Variants in TNFRSF8 observed in about 807,000 individuals in gnomAD.
TNFRSF8 encodes the protein tumor necrosis factor receptor superfamily member 8.
TNFRSF8 carries 26 observed loss-of-function variants against 70.8 expected under a neutral mutation model. The ratio of observed to expected loss-of-function variants is 0.37; its 90% CI spans 0.27 to 0.51. The LOEUF (loss-of-function observed/expected upper bound fraction) is 0.51, where lower values mean the gene tolerates loss of function less well. TNFRSF8 is among the 20% of genes least tolerant of loss of function. The pLI, the probability that TNFRSF8 is intolerant of heterozygous loss-of-function variation, is 0.94. For synonymous variants in TNFRSF8, 356 were observed against 339.2 expected, an observed-to-expected ratio of 1.05 and a Z score of -0.54; for missense variants, 720 against 807.9, an observed-to-expected ratio of 0.89 and a Z score of 1.32.
chr1:12,131,948 C>G (rs1466415554), intron 12 of TNFRSF8, among the ~76,000 whole-genome samples: 1 of 152,008 alleles, frequency 6.6e-6, no homozygotes, highest in Non-Finnish European at 1.5e-5. Context: ...CGCGCGCCAC[C>G]ATGCCCAGCT....
chr1:12,074,828 GC>G (rs1026583529), intron 1 of TNFRSF8, among the ~76,000 whole-genome samples: 4 of 151,512 alleles, frequency 2.6e-5, no homozygotes, highest in Non-Finnish European at 5.9e-5. Context: ...TCACTCTGTT[GC>G]CCAGGCTGGA....
chr1:12,132,193 G>A (rs192000603), intron 12 of TNFRSF8, among the ~76,000 whole-genome samples: 69 of 152,354 alleles, frequency 4.5e-4, no homozygotes, highest in Middle Eastern at 3.4e-3. Flanking sequence ...AGCATCTTAA[G>A]CCAGCATCGT....
chr1:12,065,059 C>CTAGTTCTGTA (rs1210091306), intron 1 of TNFRSF8, among the ~76,000 whole-genome samples: 3 of 146,588 alleles, frequency 2.0e-5, no homozygotes, highest in Non-Finnish European at 3.0e-5. Flanking sequence ...TCACTACAGC[C>CTAGTTCTGTA]TGAACTCTCA....
At chr1:12,089,392 A>G (rs1201690051) in intron 2 of TNFRSF8, among the ~76,000 whole-genome samples, 2 of 152,186 alleles carry the variant, frequency 1.3e-5, no homozygotes, top group Non-Finnish European at 2.9e-5. Flanking sequence ...TCACAGGGCC[A>G]AGCTTCCATT....
intron 8 of TNFRSF8, among the ~76,000 whole-genome samples, chr1:12,121,047 T>C (rs1043244623): frequency 2.6e-5 from 4 of 152,192 alleles, no homozygotes; most frequent in Admixed American, 6.5e-5. Flanking sequence ...TGATGCTGAC[T>C]GGGAATAGCC....
intron 2 of TNFRSF8, among the ~76,000 whole-genome samples, chr1:12,096,252 GC>G (rs2100984452): frequency 6.6e-6 from 1 of 152,260 alleles, no homozygotes; most frequent in Admixed American, 6.5e-5. Flanking sequence ...AAGGTAGGCA[GC>G]GATTGCTGGG....
chr1:12,073,538 CTTTCCCTTTCGT>C (rs1196779116), intron 1 of TNFRSF8, among the ~76,000 whole-genome samples: 6 of 150,018 alleles, frequency 4.0e-5, no homozygotes, highest in African/African-American at 1.5e-4. Context: ...CTTTCCGTTC[CTTTCCCTTTCGT>C]TTTCCCTTTC....
In TNFRSF8 at chr1:12,088,377, C is replaced by T. The variant is rs533423656; in HGVS notation, c.151+3826C>T. Among the ~76,000 whole-genome samples, 8 of 152,154 alleles carry T rather than the reference C, an allele frequency of 5.3e-5. 1 individual carries two copies. The South Asian group carries it at 1.5e-3, about 28-fold the overall frequency. Reference sequence around the variant, plus strand: ...AAATCCAGAGAGGAAACTTGGACACCGAGGGGTTCAGGAATTTGCACAAGG... The same window carrying T: ...AAATCCAGAGAGGAAACTTGGACACTGAGGGGTTCAGGAATTTGCACAAGG... On this transcript the variant is annotated intron_variant, in intron 2 of 14. Transcript: ENST00000263932. This position sits in a 1 kb window ranked among gnomAD's most constrained non-coding sequence, Gnocchi z 4.0.
chr1:12,126,331 C>G (rs1641940341), intron 12 of TNFRSF8, 95 bp downstream of exon 12: 2 of 1,448,488 alleles, frequency 1.4e-6, no homozygotes, highest in East Asian at 2.3e-5. Context: ...GAACTTCTAC[C>G]CCAGCCTCGA....
At chr1:12,114,374 A>G (rs1641688777) in intron 7 of TNFRSF8, among the ~76,000 whole-genome samples, 1 of 152,114 alleles carries the variant, frequency 6.6e-6, no homozygotes, top group Admixed American at 6.6e-5. Context: ...CATTGTCCCA[A>G]ATGGTTTCAT....
chr1:12,122,720 G>C (rs991816482), intron 8 of TNFRSF8, among the ~76,000 whole-genome samples: 3 of 152,086 alleles, frequency 2.0e-5, no homozygotes, highest in Admixed American at 6.5e-5. Context: ...TAAAAATTGA[G>C]GCTGTATTTA....
At position 12,104,386 on chromosome 1, in the gene TNFRSF8, C is replaced by T. The variant is rs1432473909; in HGVS notation, c.276C>T (p.Leu92=). The part of the protein sequence containing the change: ...TACVTCSRDD[L]VEKTPCAWNS... ...CCTGTCTGTGTCCCTTAGACGACCTCGTGGAGAAGACGCCGTGTGCATGGA... is the reference window on the plus strand; with the variant it reads ...CCTGTCTGTGTCCCTTAGACGACCTTGTGGAGAAGACGCCGTGTGCATGGA... Residue 92 remains leucine, a synonymous_variant, in exon 4 of 15, where the codon CTC becomes CTT. Coordinates refer to ENST00000263932, the MANE Select transcript of TNFRSF8 (RefSeq NM_001243.5). 57 of 1,613,924 alleles carry T rather than the reference C, an allele frequency of 3.5e-5. No individual in the cohort carries two copies. Among genetic ancestry groups the T allele is most frequent in the African/African-American group, 5.3e-5 (4 of 74,882 alleles).
chr1:12,120,360 A>G (rs1044956145), intron 8 of TNFRSF8, among the ~76,000 whole-genome samples: 1 of 152,226 alleles, frequency 6.6e-6, no homozygotes, highest in Non-Finnish European at 1.5e-5. Flanking sequence ...GTTCCCAGGA[A>G]TAGAAGAGAG....
intron 1 of TNFRSF8, among the ~76,000 whole-genome samples, chr1:12,077,567 G>A (rs1342221691): frequency 6.6e-6 from 1 of 152,196 alleles, no homozygotes; most frequent in Admixed American, 6.5e-5. Flanking sequence ...CAACCTTAGT[G>A]AGCAGGGAAA....
chr1:12,125,534 G>A (rs1230641673), intron 10 of TNFRSF8, among the ~76,000 whole-genome samples: 2 of 152,212 alleles, frequency 1.3e-5, no homozygotes, highest in Non-Finnish European at 2.9e-5. Flanking sequence ...CAGGTCTAGA[G>A]GGTTGGCCGG....
rs573147061 is a variant in TNFRSF8, at chr1:12,142,018, C to G, written c.1544-269C>G. On this transcript the variant is annotated intron_variant, in intron 14 of 14. Coordinates refer to ENST00000263932, the MANE Select transcript of TNFRSF8 (RefSeq NM_001243.5). This position sits in a 1 kb window ranked among gnomAD's most constrained non-coding sequence, Gnocchi z 5.0. ...AGTTTGCTTTCTGTCCCACCCTGTCCTCTTCTTCCCTACCCATCCGCAGAG... is the reference window on the plus strand; with the variant it reads ...AGTTTGCTTTCTGTCCCACCCTGTCGTCTTCTTCCCTACCCATCCGCAGAG... 1.2e-3 allele frequency among the ~76,000 whole-genome samples: 186 copies of G among 152,324 alleles called. No individual in the cohort carries two copies. Among genetic ancestry groups the G allele is most frequent in the African/African-American group, 4.3e-3 (177 of 41,568 alleles).
At chr1:12,092,008 G>C (rs1214972238) in intron 2 of TNFRSF8, among the ~76,000 whole-genome samples, 2 of 152,196 alleles carry the variant, frequency 1.3e-5, no homozygotes, top group African/African-American at 2.4e-5. Flanking sequence ...ACCTCCTGCT[G>C]TGTGGCCCCG....
chr1:12,115,543 A>T, intron 7 of TNFRSF8, 34 bp from the exon 8 acceptor site: 1 of 1,613,868 alleles, frequency 6.2e-7, no homozygotes, highest in Non-Finnish European at 8.5e-7. Context: ...TGCCATACTG[A>T]TCTTTCTCCG....
chr1:12,088,171 T>A lies in TNFRSF8; in HGVS notation c.151+3620T>A, dbSNP rs144824188. ...GAATCCCTCCTTGCACCCAGGCCTGTGATGCCCTCTCCAGCATTCCTGAGA... is the reference window on the plus strand; with the variant it reads ...GAATCCCTCCTTGCACCCAGGCCTGAGATGCCCTCTCCAGCATTCCTGAGA... On this transcript the variant is annotated intron_variant, in intron 2 of 14. Transcript: ENST00000263932. This position sits in a 1 kb window ranked among gnomAD's most constrained non-coding sequence, Gnocchi z 4.0. Among the ~76,000 whole-genome samples, 212 of 152,230 alleles carry A rather than the reference T, an allele frequency of 1.4e-3. 6 individuals are homozygous for A. In the East Asian group the frequency reaches 0.036, roughly 26 times the overall value.
Sources: allele counts gnomAD v4.1 joint callset (sites outside exome capture counted in the v4.1 genomes callset), GRCh38; gene constraint gnomAD v4.1.1; non-coding constraint Gnocchi (gnomAD v3.1); transcripts MANE v1.5; gene names NCBI Gene and HGNC (gene_info 2026-07-23, HGNC 2026-07-21).